The following FKBP10 variants were observed in gnomAD, a reference collection of about 807,000 sequenced individuals.
FKBP10 encodes the protein peptidyl-prolyl cis-trans isomerase FKBP10.
Under a neutral mutation model 53.7 loss-of-function variants are expected in FKBP10, and 34 were observed. The ratio of observed to expected loss-of-function variants is 0.63; its 90% CI spans 0.48 to 0.84. The LOEUF (loss-of-function observed/expected upper bound fraction) is 0.84, where lower values mean the gene tolerates loss of function less well. Ranked by LOEUF, FKBP10 falls within the 40% of genes least tolerant of loss-of-function variation. The pLI is 0.00. For missense variants in FKBP10, 748 were observed against 797.8 expected (o/e 0.94, Z 0.75); for synonymous variants, 324 against 335.7 (o/e 0.97, Z 0.38).
At chr17:41,816,701 T>C (rs1388155294) in intron 1 of FKBP10, among the ~76,000 whole-genome samples, 1 of 152,132 alleles carries the variant, frequency 6.6e-6, no homozygotes, top group Non-Finnish European at 1.5e-5. Flanking sequence ...TTTAATCCCA[T>C]ATAGTAATGC....
At position 41,820,477 on chromosome 17, in the gene FKBP10, G is replaced by GT; in HGVS notation, c.1256+16_1256+17insT. 6.2e-7 allele frequency: 1 copy of GT among 1,613,134 alleles called. No individual in the cohort carries two copies. The highest frequency in any genetic ancestry group is 1.1e-5 in the South Asian group (1 of 91,058). On this transcript the variant is annotated intron_variant, in intron 7 of 9. Transcript: ENST00000321562. ...TGTTCACCTCGTGGGTCCGGGGGGG[G>GT]GCCGGGACTGGGCAGGTGGGTGGGC...
At position 41,818,096 on chromosome 17, in the gene FKBP10, C is replaced by T. The variant is rs782564853; in HGVS notation, c.399C>T (p.Leu133=). 5 of 1,609,364 alleles carry T rather than the reference C, an allele frequency of 3.1e-6. No individual in the cohort carries two copies. The highest frequency in any genetic ancestry group is 1.7e-5 in the Admixed American group (1 of 59,460). Residue 133 remains leucine (L), a synonymous_variant, in exon 3 of 10, where the codon CTC becomes CTT. Coordinates refer to ENST00000321562, the MANE Select transcript of FKBP10 (RefSeq NM_021939.4). ...LGYGSIGLAG[L]IPPDATLYFD... ...GCTGCTGCGCTCTCACAGCGGGGCTCATTCCACCGGATGCCACCCTCTACT... is the reference window on the plus strand; with the variant it reads ...GCTGCTGCGCTCTCACAGCGGGGCTTATTCCACCGGATGCCACCCTCTACT...
In FKBP10 at chr17:41,818,078, C is replaced by T. The variant is rs782769036; in HGVS notation, c.392-11C>T. ...GAACTCTGAGACCTCCACGCTGCTG[C>T]GCTCTCACAGCGGGGCTCATTCCAC... is the stretch of plus-strand genomic sequence containing the variant. On this transcript the variant is annotated splice_polypyrimidine_tract_variant and intron_variant, in intron 2 of 9. Transcript: ENST00000321562. 1.4e-5 allele frequency: 23 copies of T among 1,594,414 alleles called. No homozygotes were observed. Among genetic ancestry groups the T allele is most frequent in the East Asian group, 4.6e-5 (2 of 43,560 alleles).
intron 9 of FKBP10, 147 bp downstream of exon 9, chr17:41,821,964 C>T: frequency 9.7e-7 from 1 of 1,033,274 alleles, no homozygotes; most frequent in Non-Finnish European, 1.4e-6. Context: ...CTCCTTGTCC[C>T]TGCTTTTTCC....
At chr17:41,816,789 CCCA>C (rs1555616116) in intron 1 of FKBP10, among the ~76,000 whole-genome samples, 1 of 152,226 alleles carries the variant, frequency 6.6e-6, no homozygotes, top group Non-Finnish European at 1.5e-5. Flanking sequence ...GCCCGGGCAT[CCCA>C]CCCAACCCCG....
intron 1 of FKBP10, among the ~76,000 whole-genome samples, chr17:41,816,387 C>T (rs1219471499): frequency 1.3e-5 from 2 of 151,706 alleles, no homozygotes; most frequent in Non-Finnish European, 2.9e-5. Flanking sequence ...CCCGCCACCA[C>T]ACCTGGCTAA....
At chr17:41,819,955 A>G in intron 6 of FKBP10, 1 of 1,531,884 alleles carries the variant, frequency 6.5e-7, no homozygotes. Context: ...GCATACCCCC[A>G]GGACCCAGCT....
intron 1 of FKBP10, among the ~76,000 whole-genome samples, chr17:41,816,734 C>T (rs766293855): frequency 1.3e-5 from 2 of 152,198 alleles, no homozygotes; most frequent in East Asian, 1.9e-4. Flanking sequence ...CCGTGCTGTA[C>T]GTACCACTCC....
In FKBP10 at chr17:41,818,141, T is replaced by C; in HGVS notation, c.444T>C (p.Asp148=). Reference sequence around the variant, plus strand: ...TCTACTTCGATGTGGTTCTGCTGGATGTGTGGAACAAGGAAGACACCGTGC... The same window carrying C: ...TCTACTTCGATGTGGTTCTGCTGGACGTGTGGAACAAGGAAGACACCGTGC... ...ATLYFDVVLL[D]VWNKEDTVQV... is the part of the protein sequence containing the mutation. The change falls in exon 3 of 10, where the codon GAT becomes GAC. Residue 148 remains aspartate (D), a synonymous_variant. Coordinates refer to ENST00000321562, the MANE Select transcript of FKBP10 (RefSeq NM_021939.4). 6.2e-7 allele frequency: 1 copy of C among 1,613,838 alleles called. No homozygotes were observed. Among genetic ancestry groups the C allele is most frequent in the Middle Eastern group, 1.6e-4 (1 of 6,062 alleles).
rs72835680 is a variant in FKBP10, at chr17:41,813,297, C to T, written c.245+18C>T. On this transcript the variant is annotated intron_variant, in intron 1 of 9. Transcript: ENST00000321562. ...GATTCAAGGTAACCCCGGTTGGGCG[C>T]CCCCGGATTCACCACTCCGTCCCCT... The T allele has an allele frequency of 0.091, 146,884 of 1,612,934 alleles. 7,433 individuals carry two copies. The highest frequency in any genetic ancestry group is 0.12 in the Middle Eastern group (722 of 6,054).
chr17:41,819,894 G>A (rs540554031), intron 6 of FKBP10: 781 of 1,543,612 alleles, frequency 5.1e-4, no homozygotes, highest in Non-Finnish European at 5.8e-4. Context: ...CCGCAGTGGA[G>A]AAGGGCAGCC....
At position 41,822,662 on chromosome 17, in the gene FKBP10, G is replaced by C. The variant is rs933004453; in HGVS notation, c.*254G>C. Reference sequence around the variant, plus strand: ...ATGTTTGGATTTGCAAAGCCAATTTGGGGCCTGTGGAGCCTGGGGTTGGAT... The same window carrying C: ...ATGTTTGGATTTGCAAAGCCAATTTCGGGCCTGTGGAGCCTGGGGTTGGAT... On this transcript the variant is annotated 3_prime_UTR_variant, in exon 10 of 10. Transcript: ENST00000321562. 1.5e-5 allele frequency: 8 copies of C among 547,896 alleles called. No individual in the cohort carries two copies. The African/African-American group carries it at 1.5e-4, about 10-fold the overall frequency. 33.9% of individuals were successfully genotyped at this position (547,896 alleles called of 1,614,324 possible).
Position 41,817,203 on chromosome 17 carries a change from G to T in FKBP10, c.391G>T (p.Ala131Ser), listed in dbSNP as rs1555616223. 6.2e-7 allele frequency: 1 copy of T among 1,612,568 alleles called. No homozygotes were observed. The change falls in exon 2 of 10, where the codon GCG becomes TCG. Residue 131 changes from alanine (A) to serine (S), a missense_variant and splice_region_variant. Transcript: ENST00000321562. ...PHLGYGSIGL[A>S]GLIPPDATLY... Reference sequence around the variant, plus strand: ...CCTGGGCTATGGGAGCATCGGCCTGGGTGAGAAGGGCTGGGGCACAGGCCG... The same window carrying T: ...CCTGGGCTATGGGAGCATCGGCCTGTGTGAGAAGGGCTGGGGCACAGGCCG...
intron 9 of FKBP10, 99 bp from the exon 10 acceptor site, chr17:41,822,121 AAAG>A (rs1213341628): frequency 2.7e-5 from 33 of 1,204,216 alleles, no homozygotes; most frequent in South Asian, 2.2e-4. Context: ...GCCTGGGAAA[AAAG>A]AAGAAAAAGA....
intron 7 of FKBP10, 155 bp from the exon 8 acceptor site, chr17:41,820,792 C>A: frequency 9.2e-7 from 1 of 1,086,612 alleles, no homozygotes. Flanking sequence ...CCCACGTCTG[C>A]ACAGCTGGGC....
At position 41,813,281 on chromosome 17, in the gene FKBP10, T is replaced by C. The variant is rs2047771579; in HGVS notation, c.245+2T>C. On this transcript the variant is annotated splice_donor_variant, in intron 1 of 9. Coordinates refer to ENST00000321562, the MANE Select transcript of FKBP10 (RefSeq NM_021939.4). LOFTEE classifies it high-confidence loss of function. ...AGATGGCAAGAAGTTTGATTCAAGG[T>C]AACCCCGGTTGGGCGCCCCCGGATT... The C allele has an allele frequency of 1.2e-6, 2 of 1,613,612 alleles. No individual in the cohort carries two copies. Among genetic ancestry groups the C allele is most frequent in the Non-Finnish European group, 1.7e-6 (2 of 1,179,944 alleles).
chr17:41,820,142 C>G, intron 6 of FKBP10, 127 bp from the exon 7 acceptor site: 1 of 1,272,208 alleles, frequency 7.9e-7, no homozygotes, highest in Non-Finnish European at 1.1e-6. Context: ...GACAAACATC[C>G]CGTCCCATCC....
At position 41,821,747 on chromosome 17, in the gene FKBP10, A is replaced by G. The variant is rs1555617165; in HGVS notation, c.1493A>G (p.His498Arg). The G allele has an allele frequency of 1.2e-6, 2 of 1,614,160 alleles. No individual in the cohort carries two copies. The highest frequency in any genetic ancestry group is 1.7e-5 in the Admixed American group (1 of 60,010). Residue 498 changes from histidine (H) to arginine (R), a missense_variant, in exon 9 of 10, where the codon CAC becomes CGC. By Grantham distance (29) the His-to-Arg change is conservative. Transcript: ENST00000321562. ...CCCACAGGCTACCTGTTTGTGTGGC[A>G]CAAGGACCCTCCTGCCAACCTGTTT... ...GLPTGYLFVW[H>R]KDPPANLFED... is the part of the protein sequence containing the mutation.
At chr17:41,822,115 G>A in intron 9 of FKBP10, 108 bp from the exon 10 acceptor site, 2 of 1,167,624 alleles carry the variant, frequency 1.7e-6, no homozygotes, top group East Asian at 2.6e-5. Flanking sequence ...GGGGGAGCCT[G>A]GGAAAAAAGA....
Sources: allele counts gnomAD v4.1 joint callset (sites outside exome capture counted in the v4.1 genomes callset), GRCh38; gene constraint gnomAD v4.1.1; transcripts MANE v1.5; gene names NCBI Gene and HGNC (gene_info 2026-07-23, HGNC 2026-07-21).